RAD51B: variants seen among roughly 807,000 people sequenced by gnomAD.
The protein encoded by RAD51B is RAD51 paralog B, also known as DNA repair protein RAD51 homolog 2.
Under a neutral mutation model 42.2 loss-of-function variants are expected in RAD51B, and 38 were observed. The ratio of observed to expected loss-of-function variants is 0.90; its 90% CI spans 0.70 to 1.18. The LOEUF (loss-of-function observed/expected upper bound fraction) is 1.18, where lower values mean the gene tolerates loss of function less well. Ranked by LOEUF, RAD51B falls within the 50% of genes most tolerant of loss-of-function variation. The probability of loss-of-function intolerance (pLI) is 0.00; values close to 1 mark genes in which losing one functional copy is unlikely to be tolerated. For missense variants in RAD51B, 373 were observed against 400.7 expected (o/e 0.93, Z 0.59); for synonymous variants, 154 against 145.2 (o/e 1.06, Z -0.43).
intron 7 of RAD51B, among the ~76,000 whole-genome samples, chr14:68,039,497 G>C (rs186277374): frequency 6.6e-6 from 1 of 151,012 alleles, no homozygotes; most frequent in East Asian, 1.9e-4. Context: ...CCAAAAACTT[G>C]AGAAAATATT....
intron 7 of RAD51B, among the ~76,000 whole-genome samples, chr14:67,975,002 A>G (rs1272242890): frequency 6.6e-6 from 1 of 152,042 alleles, no homozygotes; most frequent in Non-Finnish European, 1.5e-5. Context: ...CCACTTTTGG[A>G]GAGTTGATAT....
At chr14:68,682,393 G>A (rs1249290503) in intron 11 of RAD51B, among the ~76,000 whole-genome samples, 1 of 152,200 alleles carries the variant, frequency 6.6e-6, no homozygotes, top group Non-Finnish European at 1.5e-5. Flanking sequence ...AAGCTCGAGA[G>A]AGTCTCTCCC....
At chr14:68,348,644 A>C (rs2082721310) in intron 8 of RAD51B, among the ~76,000 whole-genome samples, 1 of 152,252 alleles carries the variant, frequency 6.6e-6, no homozygotes, top group African/African-American at 2.4e-5. Flanking sequence ...TCACGCCTGT[A>C]ATCCCAGCAC....
intron 8 of RAD51B, among the ~76,000 whole-genome samples, chr14:68,337,665 G>A (rs2082484824): frequency 1.3e-5 from 2 of 152,188 alleles, no homozygotes; most frequent in South Asian, 4.1e-4. Context: ...CAGAATCCCT[G>A]GGGACAGAGC....
At chr14:67,946,493 A>C (rs894969621) in intron 7 of RAD51B, among the ~76,000 whole-genome samples, 16 of 151,962 alleles carry the variant, frequency 1.1e-4, no homozygotes, top group Non-Finnish European at 1.9e-4. Context: ...TCAGCCTCTC[A>C]AGTAGCTGGG....
intron 7 of RAD51B, among the ~76,000 whole-genome samples, chr14:67,995,106 G>T (rs188431001): frequency 1.3e-5 from 2 of 152,064 alleles, no homozygotes; most frequent in Admixed American, 1.3e-4. Context: ...AGACACACTC[G>T]GCCGGGCATG....
At chr14:67,944,655 T>A (rs2045329628) in intron 7 of RAD51B, among the ~76,000 whole-genome samples, 1 of 152,236 alleles carries the variant, frequency 6.6e-6, no homozygotes, top group Non-Finnish European at 1.5e-5. Flanking sequence ...ATTATTCACT[T>A]TTCTAGGTAA....
At chr14:67,920,019 T>C (rs1350918575) in intron 7 of RAD51B, among the ~76,000 whole-genome samples, 1 of 152,198 alleles carries the variant, frequency 6.6e-6, no homozygotes, top group Non-Finnish European at 1.5e-5. Context: ...TATTGTAGTT[T>C]AAAGGATTTA....
chr14:68,048,072 G>A (rs972914448), intron 7 of RAD51B, among the ~76,000 whole-genome samples: 5 of 152,116 alleles, frequency 3.3e-5, no homozygotes, highest in African/African-American at 1.2e-4. Context: ...ATACACTGGG[G>A]AGTAACTGAA....
At chr14:68,156,716 T>C (rs925493182) in intron 7 of RAD51B, among the ~76,000 whole-genome samples, 1 of 152,172 alleles carries the variant, frequency 6.6e-6, no homozygotes, top group African/African-American at 2.4e-5. Context: ...ATGATTTTAT[T>C]ATCCTTTTAT....
At chr14:67,876,417 A>G (rs1196885985) in intron 5 of RAD51B, among the ~76,000 whole-genome samples, 2 of 152,186 alleles carry the variant, frequency 1.3e-5, no homozygotes, top group Non-Finnish European at 2.9e-5. Flanking sequence ...ATAATTTTGT[A>G]CAGGGTTTTG....
At chr14:68,182,594 T>C (rs1478408129) in intron 7 of RAD51B, among the ~76,000 whole-genome samples, 1 of 152,214 alleles carries the variant, frequency 6.6e-6, no homozygotes, top group Admixed American at 6.5e-5. Context: ...TGTGTGTGCA[T>C]GCATCCACAT....
At chr14:68,529,492 T>C (rs1004318171) in intron 10 of RAD51B, among the ~76,000 whole-genome samples, 2 of 152,216 alleles carry the variant, frequency 1.3e-5, no homozygotes, top group Non-Finnish European at 2.9e-5. Context: ...GCTGATGATA[T>C]ATCTGAGACT....
intron 7 of RAD51B, among the ~76,000 whole-genome samples, chr14:68,265,399 G>A (rs1284863873): frequency 6.6e-6 from 1 of 152,170 alleles, no homozygotes; most frequent in African/African-American, 2.4e-5. Context: ...AAATGAATGG[G>A]ACATGGTTCT....
At position 68,065,529 on chromosome 14, in the gene RAD51B, T is replaced by A. The variant is rs2076636154; in HGVS notation, c.756+178325T>A. On this transcript the variant is annotated intron_variant, in intron 7 of 10. Transcript: ENST00000471583. ...ATTCTCCAAGGGAGTGCAGGGCTGA[T>A]TGGCCATCGGAATGGCTTGGATGCT... 2.0e-5 allele frequency among the ~76,000 whole-genome samples: 3 copies of A among 152,152 alleles called. No homozygotes were observed. In the South Asian group the frequency reaches 6.2e-4, roughly 32 times the overall value.
intron 10 of RAD51B, among the ~76,000 whole-genome samples, chr14:68,507,747 AG>A (rs1411827504): frequency 1.3e-5 from 2 of 152,190 alleles, no homozygotes; most frequent in African/African-American, 4.8e-5. Flanking sequence ...TCCTCAGCAT[AG>A]CTCAGGACCT....
At chr14:68,322,081 T>C (rs983887724) in intron 8 of RAD51B, among the ~76,000 whole-genome samples, 8 of 152,170 alleles carry the variant, frequency 5.3e-5, no homozygotes, top group African/African-American at 1.7e-4. Flanking sequence ...CACAATGACT[T>C]AATATTTATA....
intron 10 of RAD51B, among the ~76,000 whole-genome samples, chr14:68,545,352 A>T (rs1258142985): frequency 6.6e-6 from 1 of 152,188 alleles, no homozygotes; most frequent in East Asian, 1.9e-4. Flanking sequence ...TATTATGGCC[A>T]CTGGAGTATT....
chr14:68,305,741 G>A (rs1354259644), intron 8 of RAD51B, among the ~76,000 whole-genome samples: 2 of 152,192 alleles, frequency 1.3e-5, no homozygotes, highest in Non-Finnish European at 1.5e-5. Context: ...TGTCTGCAGT[G>A]CCTGGATATC....
Sources: gnomAD v4.1 joint callset for allele counts (sites outside exome capture counted in the v4.1 genomes callset) on GRCh38, gnomAD v4.1.1 for gene constraint, MANE v1.5 for transcripts, NCBI Gene and HGNC (gene_info 2026-07-23, HGNC 2026-07-21) for gene names.